The following LIMCH1 variants were observed in gnomAD, a reference collection of about 807,000 sequenced individuals.
The protein encoded by LIMCH1 is LIM and calponin homology domains 1.
Under a neutral mutation model 176.5 loss-of-function variants are expected in LIMCH1, and 113 were observed. That is an observed-to-expected ratio of 0.64 (90% confidence interval 0.55 to 0.75). LIMCH1 has a LOEUF of 0.75. Among genes scored for constraint, LIMCH1 ranks in the 30% least tolerant of loss-of-function variants. The pLI is 0.00. For missense variants in LIMCH1, 1,674 were observed against 1,814.9 expected (o/e 0.92, Z 1.41); for synonymous variants, 619 against 645.9 (o/e 0.96, Z 0.63).
At chr4:41,614,926 TG>T (rs1193081984) in intron 5 of LIMCH1, among the ~76,000 whole-genome samples, 1 of 152,230 alleles carries the variant, frequency 6.6e-6, no homozygotes, top group East Asian at 1.9e-4. Context: ...GCCTAATAGA[TG>T]TTTTATTCTG....
intron 1 of LIMCH1, among the ~76,000 whole-genome samples, chr4:41,479,189 A>G (rs2068178257): frequency 6.6e-6 from 1 of 152,150 alleles, no homozygotes; most frequent in South Asian, 2.1e-4. Context: ...AACCCTTTCC[A>G]TTTATTTTAG....
chr4:41,441,870 C>T (rs902375000), intron 1 of LIMCH1, among the ~76,000 whole-genome samples: 2 of 151,964 alleles, frequency 1.3e-5, no homozygotes, highest in Non-Finnish European at 2.9e-5. Flanking sequence ...TTTTTGCTGT[C>T]GTCGTTTGTT....
intron 1 of LIMCH1, among the ~76,000 whole-genome samples, chr4:41,363,578 A>G (rs1373287793): frequency 6.6e-6 from 1 of 152,140 alleles, no homozygotes; most frequent in Non-Finnish European, 1.5e-5. Flanking sequence ...TTCATTCTTA[A>G]TAAAGGCTCA....
chr4:41,414,522 G>T (rs749248893), intron 1 of LIMCH1, among the ~76,000 whole-genome samples: 1 of 152,174 alleles, frequency 6.6e-6, no homozygotes, highest in South Asian at 2.1e-4. Context: ...TGACTTGGCC[G>T]CAGCTAAGAC....
At chr4:41,454,847 C>T (rs549446684) in intron 1 of LIMCH1, among the ~76,000 whole-genome samples, 2 of 151,808 alleles carry the variant, frequency 1.3e-5, no homozygotes, top group Non-Finnish European at 2.9e-5. Flanking sequence ...GATGAGAGAT[C>T]GAAATCCTGA....
chr4:41,571,464 G>A (rs959724492), intron 1 of LIMCH1, among the ~76,000 whole-genome samples: 3 of 152,142 alleles, frequency 2.0e-5, no homozygotes, highest in Non-Finnish European at 4.4e-5. Flanking sequence ...AAGGATGTCT[G>A]AGAGTAAGTG....
At position 41,699,832 on chromosome 4, in the gene LIMCH1, C is replaced by T. The variant is rs1310458236; in HGVS notation, c.*2647C>T. 1 of 152,088 alleles carries T rather than the reference C, an allele frequency of 6.6e-6. No homozygotes were observed. Among genetic ancestry groups the T allele is most frequent in the Non-Finnish European group, 1.5e-5 (1 of 68,010 alleles). 9.4% of individuals were successfully genotyped at this position (152,088 alleles called of 1,614,324 possible). A position where few individuals can be genotyped will look rare whatever the true frequency, so the allele number is the denominator to read the frequency against. ...TATCTATACACAGTGTAAGATTTAA[C>T]AAACTGAAATGATCCACCTCATATG... is the stretch of plus-strand genomic sequence containing the variant. On this transcript the variant is annotated 3_prime_UTR_variant, in exon 32 of 32. Coordinates refer to ENST00000503057, the MANE Select transcript of LIMCH1 (RefSeq NM_001330672.2).
chr4:41,530,431 C>T (rs556337303), intron 3 of LIMCH1, among the ~76,000 whole-genome samples: 1 of 152,272 alleles, frequency 6.6e-6, no homozygotes, highest in South Asian at 2.1e-4. Context: ...TACCTTCCCT[C>T]CAGTGGTTTA....
At chr4:41,536,715 T>G (rs1263381193), upstream of LIMCH1, among the ~76,000 whole-genome samples, 1 of 152,190 alleles carries the variant, frequency 6.6e-6, no homozygotes, top group Non-Finnish European at 1.5e-5. Flanking sequence ...CCGACCAGTA[T>G]TCTTCAAAAC....
chr4:41,671,636 G>T (rs772619905), intron 22 of LIMCH1, 42 bp downstream of exon 22: 5 of 1,411,008 alleles, frequency 3.5e-6, no homozygotes, highest in African/African-American at 1.4e-5. Context: ...GAGTTAGTGT[G>T]ATTTTAATTT....
chr4:41,433,298 TG>T (rs1432074131), intron 1 of LIMCH1, among the ~76,000 whole-genome samples: 1 of 152,188 alleles, frequency 6.6e-6, no homozygotes, highest in Non-Finnish European at 1.5e-5. Flanking sequence ...ATTCCAGTTT[TG>T]GGGGGGAAAC....
At chr4:41,471,514 G>A (rs944012856) in intron 1 of LIMCH1, among the ~76,000 whole-genome samples, 2 of 152,170 alleles carry the variant, frequency 1.3e-5, no homozygotes, top group African/African-American at 4.8e-5. Context: ...CACGTCCATG[G>A]CACCGATGAG....
chr4:41,368,094 ATTATT>A lies in LIMCH1; in HGVS notation c.96+7167_96+7171del, dbSNP rs1254984640. Reference sequence around the variant, plus strand: ...AAGTGTTTAAAAAATATTTTGAACAATTATTTTATTTTAATTGAATATCTTATTCC... The same window carrying A: ...AAGTGTTTAAAAAATATTTTGAACAATTATTTTAATTGAATATCTTATTCC... On this transcript the variant is annotated intron_variant, in intron 1 of 26. Coordinates refer to the LIMCH1 transcript ENST00000313860. 5.9e-5 allele frequency among the ~76,000 whole-genome samples: 9 copies of A among 152,268 alleles called. No homozygotes were observed. The East Asian group carries it at 7.7e-4, about 13-fold the overall frequency.
chr4:41,422,170 A>C (rs1419925364), intron 1 of LIMCH1, among the ~76,000 whole-genome samples: 1 of 152,034 alleles, frequency 6.6e-6, no homozygotes, highest in Non-Finnish European at 1.5e-5. Flanking sequence ...CGTCAAATAT[A>C]CCTGAAACTT....
intron 1 of LIMCH1, among the ~76,000 whole-genome samples, chr4:41,540,731 A>G (rs893950258): frequency 1.3e-4 from 20 of 152,286 alleles, no homozygotes; most frequent in Admixed American, 9.2e-4. Flanking sequence ...AAAAAAAAGA[A>G]TAATAAAATG....
At position 41,689,710 on chromosome 4, in the gene LIMCH1, C is replaced by T. The variant is rs190850215; in HGVS notation, c.4275+75C>T. On this transcript the variant is annotated intron_variant, in intron 30 of 31. Coordinates refer to ENST00000503057, the MANE Select transcript of LIMCH1 (RefSeq NM_001330672.2). Reference sequence around the variant, plus strand: ...GGCATCGTTCCGTGCTGAAAAATGCCTCTTGGAAATTCTGGAGGGCTTTGT... The same window carrying T: ...GGCATCGTTCCGTGCTGAAAAATGCTTCTTGGAAATTCTGGAGGGCTTTGT... The T allele has an allele frequency of 3.2e-3, 2,945 of 925,280 alleles. 9 individuals carry two copies. Among genetic ancestry groups the T allele is most frequent in the Non-Finnish European group, 4.6e-3 (2,564 of 562,436 alleles). The allele number at this position is 925,280 out of a possible 1,614,324, so 57.3% of individuals were successfully genotyped here.
At chr4:41,437,550 T>C (rs2062213552) in intron 1 of LIMCH1, among the ~76,000 whole-genome samples, 1 of 152,364 alleles carries the variant, frequency 6.6e-6, no homozygotes, top group Admixed American at 6.5e-5. Flanking sequence ...TTTACAGGCA[T>C]ACGTAGCATG....
At chr4:41,604,925 G>A (rs1286118940) in intron 3 of LIMCH1, among the ~76,000 whole-genome samples, 1 of 151,928 alleles carries the variant, frequency 6.6e-6, no homozygotes, top group Admixed American at 6.6e-5. Flanking sequence ...ATACCATGTT[G>A]TCCGAAACAT....
intron 2 of LIMCH1, among the ~76,000 whole-genome samples, chr4:41,503,716 C>G (rs1246313099): frequency 6.6e-6 from 1 of 152,130 alleles, no homozygotes; most frequent in African/African-American, 2.4e-5. Context: ...CTGAGGCCAC[C>G]AAAATCTATA....
Sources: gnomAD v4.1 joint callset for allele counts (sites outside exome capture counted in the v4.1 genomes callset) on GRCh38, gnomAD v4.1.1 for gene constraint, MANE v1.5 for transcripts, NCBI Gene and HGNC (gene_info 2026-07-23, HGNC 2026-07-21) for gene names.